Variants in PDE1A observed in about 807,000 individuals in gnomAD.
The protein encoded by PDE1A is dual specificity calcium/calmodulin-dependent 3',5'-cyclic nucleotide phosphodiesterase 1A.
In PDE1A, 35 loss-of-function variants were observed where a neutral mutation model predicts 61.7. The observed-to-expected ratio is 0.57, with a 90% CI of 0.43 to 0.75. The LOEUF is 0.75. Among genes scored for constraint, PDE1A ranks in the 30% least tolerant of loss-of-function variants. PDE1A has a pLI of 0.00. For synonymous variants in PDE1A, 232 were observed against 213.2 expected, an observed-to-expected ratio of 1.09 and a Z score of -0.77; for missense variants, 597 against 630.6, an observed-to-expected ratio of 0.95 and a Z score of 0.57.
intron 6 of PDE1A, among the ~76,000 whole-genome samples, chr2:182,229,020 T>C (rs1204096104): frequency 6.6e-6 from 1 of 152,126 alleles, no homozygotes; most frequent in African/African-American, 2.4e-5. Context: ...GCTTATTTGG[T>C]CCCATAACAG....
the PDE1A span, among the ~76,000 whole-genome samples, chr2:182,557,065 C>A: frequency 3.5e-4 from 53 of 151,588 alleles, no homozygotes; most frequent in Non-Finnish European, 5.8e-4. Context: ...GAGGCCGAGG[C>A]GGGTGGATCA....
rs575755766 is a variant in PDE1A, at chr2:182,494,164, T to C, written c.101+28112A>G. On this transcript the variant is annotated intron_variant, in intron 2 of 14. Transcript: ENST00000410103. ...GTCATTTATTATAATTTGAAGAAGG[T>C]TGAATGGTCTTTACTGGGATGTCTC... is the stretch of plus-strand genomic sequence containing the variant. Among the ~76,000 whole-genome samples the C allele has an allele frequency of 7.2e-5, 11 of 152,198 alleles. No individual in the cohort carries two copies. In the East Asian group the frequency reaches 1.2e-3, roughly 16 times the overall value.
chr2:182,654,977 C>T, the PDE1A span, among the ~76,000 whole-genome samples: 23,983 of 152,022 alleles, frequency 0.16, 2,521 homozygotes, highest in African/African-American at 0.3. Flanking sequence ...GCTCATTTGT[C>T]CTGTCTAAGG....
chr2:182,486,564 T>A (rs886749822), intron 2 of PDE1A, among the ~76,000 whole-genome samples: 1 of 152,038 alleles, frequency 6.6e-6, no homozygotes, highest in Non-Finnish European at 1.5e-5. Context: ...GCTACAGTAA[T>A]CAAGACAGTT....
chr2:182,280,731 G>C (rs1387368526), intron 1 of PDE1A, among the ~76,000 whole-genome samples: 1 of 151,390 alleles, frequency 6.6e-6, no homozygotes, highest in East Asian at 1.9e-4. Context: ...GATTTTGTGG[G>C]TTTATAAATT....
At chr2:182,630,749 C>A in the PDE1A span, among the ~76,000 whole-genome samples, 2 of 152,014 alleles carry the variant, frequency 1.3e-5, no homozygotes, top group African/African-American at 4.8e-5. Context: ...TTCTTCAATA[C>A]AAATCTATAG....
intron 2 of PDE1A, among the ~76,000 whole-genome samples, chr2:182,492,200 T>G (rs1339252871): frequency 1.3e-5 from 2 of 152,178 alleles, no homozygotes; most frequent in African/African-American, 4.8e-5. Context: ...CTTCCTCTCC[T>G]CTACCTATTT....
rs531275103 is a variant in PDE1A, at chr2:182,440,446, T to A, written c.101+81830A>T. The stretch of plus-strand genomic sequence containing the variant: ...ATGCTACTTAGTTATAGGCATGCCT[T>A]TAAATCATACCACATAGCTGTCTAT... On this transcript the variant is annotated intron_variant, in intron 2 of 14. Transcript: ENST00000410103. Among the ~76,000 whole-genome samples the A allele has an allele frequency of 3.3e-5, 5 of 152,184 alleles. No homozygotes were observed. In the East Asian group the frequency reaches 9.7e-4, roughly 30 times the overall value.
At chr2:182,403,933 G>A (rs887793976) in intron 1 of PDE1A, among the ~76,000 whole-genome samples, 8 of 151,858 alleles carry the variant, frequency 5.3e-5, no homozygotes, top group South Asian at 2.1e-4. Context: ...GTATACCTAC[G>A]TAACAAACCT....
intron 2 of PDE1A, among the ~76,000 whole-genome samples, chr2:182,484,652 TAAAC>T (rs1687904525): frequency 6.6e-6 from 1 of 151,782 alleles, no homozygotes; most frequent in Non-Finnish European, 1.5e-5. Context: ...ATAAGGAACT[TAAAC>T]TAATTTGCAG....
the PDE1A span, among the ~76,000 whole-genome samples, chr2:182,646,576 T>C: frequency 6.6e-6 from 1 of 151,756 alleles, no homozygotes; most frequent in African/African-American, 2.4e-5. Context: ...TCCCAGCTAT[T>C]CGGAGGCTGA....
At chr2:182,519,957 T>C (rs955487989) in intron 2 of PDE1A, among the ~76,000 whole-genome samples, 3 of 151,894 alleles carry the variant, frequency 2.0e-5, no homozygotes, top group Non-Finnish European at 2.9e-5. Flanking sequence ...TAAACAAATA[T>C]CTAAAGGTCT....
intron 1 of PDE1A, among the ~76,000 whole-genome samples, chr2:182,292,153 AG>A (rs1207957423): frequency 6.6e-6 from 1 of 151,980 alleles, no homozygotes; most frequent in Non-Finnish European, 1.5e-5. Context: ...TGTGTGTATA[AG>A]GGGCTTCACA....
rs73036277 is a variant in PDE1A at position 182,299,564 on chromosome 2, T to C, written c.54-35150A>G. ...CCCAATTAACTCACCATTCTGGACCTGCAAAAACAGCCTAGAACATGGCAC... is the reference window on the plus strand; with the variant it reads ...CCCAATTAACTCACCATTCTGGACCCGCAAAAACAGCCTAGAACATGGCAC... On this transcript the variant is annotated intron_variant, in intron 1 of 13. Transcript: ENST00000351439. Among the ~76,000 whole-genome samples the C allele has an allele frequency of 4.9e-3, 743 of 150,954 alleles. 6 individuals are homozygous for C. Among genetic ancestry groups the C allele is most frequent in the African/African-American group, 0.017 (683 of 40,966 alleles).
intron 2 of PDE1A, among the ~76,000 whole-genome samples, chr2:182,487,096 T>C (rs771085261): frequency 6.6e-6 from 1 of 152,066 alleles, no homozygotes; most frequent in South Asian, 2.1e-4. Flanking sequence ...ATCTTAAAAA[T>C]TGGCAAAAGA....
intron 13 of PDE1A, among the ~76,000 whole-genome samples, chr2:182,150,682 T>C (rs1421783420): frequency 6.6e-6 from 1 of 152,218 alleles, no homozygotes; most frequent in African/African-American, 2.4e-5. Context: ...TGGGTTTGGT[T>C]TGTAAATAGA....
the PDE1A span, among the ~76,000 whole-genome samples, chr2:182,686,744 G>T: frequency 1.1e-4 from 16 of 152,174 alleles, no homozygotes; most frequent in African/African-American, 3.9e-4. Flanking sequence ...CACCTTACCC[G>T]GGAAACGCAA....
At chr2:182,687,052 G>A in the PDE1A span, among the ~76,000 whole-genome samples, 1 of 152,226 alleles carries the variant, frequency 6.6e-6, no homozygotes, top group Non-Finnish European at 1.5e-5. Context: ...GAACTAGGTG[G>A]AGCCCACCGC....
At chr2:182,588,404 T>A in the PDE1A span, among the ~76,000 whole-genome samples, 1 of 152,200 alleles carries the variant, frequency 6.6e-6, no homozygotes. Flanking sequence ...TAAATTTCCA[T>A]AAATTCTGCT....
Sources: allele counts gnomAD v4.1 joint callset (sites outside exome capture counted in the v4.1 genomes callset), GRCh38; gene constraint gnomAD v4.1.1; transcripts MANE v1.5; gene names NCBI Gene and HGNC (gene_info 2026-07-23, HGNC 2026-07-21).